Variants in PCDHGA3 observed in about 807,000 individuals in gnomAD.
PCDHGA3 encodes the protein protocadherin gamma subfamily A, 3, also known as protocadherin gamma-A3.
A neutral mutation model predicts 58.5 loss-of-function variants in PCDHGA3; 40 were observed. The ratio of observed to expected loss-of-function variants is 0.68; its 90% CI spans 0.53 to 0.89. The LOEUF (loss-of-function observed/expected upper bound fraction) is 0.89, where lower values mean the gene tolerates loss of function less well. Among genes scored for constraint, PCDHGA3 ranks in the 40% least tolerant of loss-of-function variants. PCDHGA3 has a pLI of 0.00. For synonymous variants in PCDHGA3, 530 were observed against 525.7 expected, an observed-to-expected ratio of 1.01 and a Z score of -0.11; for missense variants, 1,223 against 1,195.9, an observed-to-expected ratio of 1.02 and a Z score of -0.33.
intron 1 of PCDHGA3, chr5:141,417,646 C>G: frequency 1.3e-6 from 1 of 797,874 alleles, no homozygotes. Context: ...GATCCCTCAG[C>G]CTCTAGCCTG....
At position 141,393,567 on chromosome 5, in the gene PCDHGA3, C is replaced by T. The variant is rs766591189; in HGVS notation, c.2424+47110C>T. 6 of 1,613,798 alleles carry T rather than the reference C, an allele frequency of 3.7e-6. No homozygotes were observed. The African/African-American group carries it at 6.7e-5, about 18-fold the overall frequency. ...TCACCCGATTTACCGAGTGAAAGTC[C>T]TTGAGAACATGCCCCCAGGCACGCG... On this transcript the variant is annotated intron_variant, in intron 1 of 3. Transcript: ENST00000253812.
chr5:141,408,655 A>G (rs778418746), intron 1 of PCDHGA3: 1 of 1,613,928 alleles, frequency 6.2e-7, no homozygotes, highest in African/African-American at 1.3e-5. Flanking sequence ...CTGGTACACG[A>G]CTATCGCTTG....
chr5:141,399,660 C>A lies in PCDHGA3; in HGVS notation c.2424+53203C>A, dbSNP rs988885728. 11 of 1,613,536 alleles carry A rather than the reference C, an allele frequency of 6.8e-6. No individual in the cohort carries two copies. The highest frequency in any genetic ancestry group is 9.3e-6 in the Non-Finnish European group (11 of 1,179,888). ...TGAGCGCGCAAAGTGGGGTGGTGTT[C>A]GCGCAGCGCGCCTTTGACTACGAGC... is the stretch of plus-strand genomic sequence containing the variant. On this transcript the variant is annotated intron_variant, in intron 1 of 3. Coordinates refer to ENST00000253812, the MANE Select transcript of PCDHGA3 (RefSeq NM_018916.4).
intron 1 of PCDHGA3, among the ~76,000 whole-genome samples, chr5:141,443,521 T>A (rs2098392520): frequency 6.6e-6 from 1 of 152,156 alleles, no homozygotes; most frequent in Admixed American, 6.6e-5. Context: ...TCTCTCCTTA[T>A]GACTTATTTA....
chr5:141,430,534 C>CT (rs962032641), intron 1 of PCDHGA3: 2 of 381,726 alleles, frequency 5.2e-6, no homozygotes, highest in Non-Finnish European at 9.2e-6. Context: ...GGTTAGGACT[C>CT]TGAGCGCCGC....
In PCDHGA3 at chr5:141,432,847, G is replaced by C. The variant is rs768265171; in HGVS notation, c.2425-61960G>C. ...ACCTCACTCTGTACCTGGTGGTAGC[G>C]GTGGCCGCGGTCTCCTGCGTCTTCC... On this transcript the variant is annotated intron_variant, in intron 1 of 3. Transcript: ENST00000253812. The surrounding 1 kb of genome is among the most constrained non-coding windows in gnomAD (Gnocchi z 6.0). The C allele has an allele frequency of 1.2e-6, 2 of 1,614,180 alleles. No homozygotes were observed. Among genetic ancestry groups the C allele is most frequent in the Admixed American group, 1.7e-5 (1 of 60,032 alleles).
chr5:141,387,642 C>T lies in PCDHGA3; in HGVS notation c.2424+41185C>T, dbSNP rs554256672. 8.0e-6 allele frequency: 5 copies of T among 622,368 alleles called. No homozygotes were observed. In the South Asian group the frequency reaches 1.1e-4, roughly 14 times the overall value. The allele number at this position is 622,368 out of a possible 1,614,324, so 38.6% of individuals were successfully genotyped here. On this transcript the variant is annotated intron_variant, in intron 1 of 3. Transcript: ENST00000253812. Reference sequence around the variant, plus strand: ...TGCTGACTCTGGGCGCCGCTGTTGGCCAAAGTGGAGAGCTTGGCGCTCCAG... The same window carrying T: ...TGCTGACTCTGGGCGCCGCTGTTGGTCAAAGTGGAGAGCTTGGCGCTCCAG...
Position 141,361,369 on chromosome 5 carries a change from C to T in PCDHGA3, c.2424+14912C>T, listed in dbSNP as rs768974376. On this transcript the variant is annotated intron_variant, in intron 1 of 3. Transcript: ENST00000253812. ...ACTAGTGACAGACGGCGCTCTGGACCGGGAGGAGATCCCAGAATACAATCT... is the reference window on the plus strand; with the variant it reads ...ACTAGTGACAGACGGCGCTCTGGACTGGGAGGAGATCCCAGAATACAATCT... 5.0e-6 allele frequency: 8 copies of T among 1,613,946 alleles called. 1 individual carries two copies. In the South Asian group the frequency reaches 8.8e-5, roughly 18 times the overall value.
At chr5:141,346,518 C>T (rs750717219) in intron 1 of PCDHGA3, 61 bp downstream of exon 1, 8 of 1,596,460 alleles carry the variant, frequency 5.0e-6, no homozygotes, top group South Asian at 1.1e-5. Flanking sequence ...TATTATAAAG[C>T]TTTAACACAT....
chr5:141,370,355 C>A, intron 1 of PCDHGA3: 3 of 1,508,892 alleles, frequency 2.0e-6, no homozygotes, highest in Non-Finnish European at 1.8e-6. Flanking sequence ...TAAAGATCTC[C>A]TCTCCTCGGA....
chr5:141,501,314 C>G, intron 2 of PCDHGA3, among the ~76,000 whole-genome samples: 1 of 151,728 alleles, frequency 6.6e-6, no homozygotes, highest in Non-Finnish European at 1.5e-5. Flanking sequence ...CACACACACA[C>G]ACACACACAC....
At position 141,490,487 on chromosome 5, in the gene PCDHGA3, C is replaced by T. The variant is rs1398601464; in HGVS notation, c.2425-4320C>T. Reference sequence around the variant, plus strand: ...ACCAGCCAGCCTTTGGACCGGGAGGCCACATCCCACTATATCATCGAGCTG... The same window carrying T: ...ACCAGCCAGCCTTTGGACCGGGAGGTCACATCCCACTATATCATCGAGCTG... On this transcript the variant is annotated intron_variant, in intron 1 of 3. Coordinates refer to ENST00000253812, the MANE Select transcript of PCDHGA3 (RefSeq NM_018916.4). This position sits in a 1 kb window ranked among gnomAD's most constrained non-coding sequence, Gnocchi z 5.4. 4 of 1,614,000 alleles carry T rather than the reference C, an allele frequency of 2.5e-6. No homozygotes were observed. The highest frequency in any genetic ancestry group is 1.7e-5 in the Admixed American group (1 of 59,996).
chr5:141,347,147 C>CTTTCTTTCTTTCTTTT (rs1757906217), intron 1 of PCDHGA3, among the ~76,000 whole-genome samples: 2 of 129,464 alleles, frequency 1.5e-5, no homozygotes, highest in African/African-American at 5.9e-5. Flanking sequence ...CTCTTTCTTT[C>CTTTCTTTCTTTCTTTT]TTTCTTTCTT....
chr5:141,362,803 A>C (rs148727944), intron 1 of PCDHGA3, among the ~76,000 whole-genome samples: 2 of 152,166 alleles, frequency 1.3e-5, no homozygotes, highest in African/African-American at 4.8e-5. Context: ...TCATCTTTAC[A>C]TTACTTCTCT....
chr5:141,489,159 T>G lies in PCDHGA3; in HGVS notation c.2425-5648T>G. On this transcript the variant is annotated intron_variant, in intron 1 of 3. Transcript: ENST00000253812. This position sits in a 1 kb window ranked among gnomAD's most constrained non-coding sequence, Gnocchi z 4.5. ...AGGCTGGAAGGAGACATAAGAGACT[T>G]CAGCTGCTGCATTCCAAGCCCTGGG... is the stretch of plus-strand genomic sequence containing the variant. 2 of 1,023,152 alleles carry G rather than the reference T, an allele frequency of 2.0e-6. No individual in the cohort carries two copies. Among genetic ancestry groups the G allele is most frequent in the Non-Finnish European group, 2.9e-6 (2 of 697,120 alleles). The allele number at this position is 1,023,152 out of a possible 1,614,324, so 63.4% of individuals were successfully genotyped here. A position where few individuals can be genotyped will look rare whatever the true frequency, so the allele number is the denominator to read the frequency against.
At chr5:141,420,413 A>T in intron 1 of PCDHGA3, 1 of 1,222,396 alleles carries the variant, frequency 8.2e-7, no homozygotes, top group Non-Finnish European at 1.1e-6. Context: ...GGTTATCATT[A>T]TTAAAACAAA....
intron 1 of PCDHGA3, chr5:141,426,985 A>G (rs534298238): frequency 7.7e-5 from 35 of 456,646 alleles, no homozygotes; most frequent in Non-Finnish European, 1.3e-4. Context: ...ACTGATGCCA[A>G]CGATAATGCC....
intron 1 of PCDHGA3, chr5:141,352,204 G>C: frequency 6.2e-7 from 1 of 1,614,036 alleles, no homozygotes; most frequent in Non-Finnish European, 8.5e-7. Flanking sequence ...GAGGACAGCC[G>C]CCACTCTCCG....
At chr5:141,422,639 C>A (rs777330051) in intron 1 of PCDHGA3, 1 of 1,612,780 alleles carries the variant, frequency 6.2e-7, no homozygotes, top group South Asian at 1.1e-5. Context: ...AGGGGTGCCT[C>A]CATCTTCTCA....
Sources: gnomAD v4.1 joint callset for allele counts (sites outside exome capture counted in the v4.1 genomes callset) on GRCh38, gnomAD v4.1.1 for gene constraint, Gnocchi (gnomAD v3.1) non-coding constraint, MANE v1.5 for transcripts, NCBI Gene and HGNC (gene_info 2026-07-23, HGNC 2026-07-21) for gene names.